The following ZMIZ1 variants were observed in gnomAD, a reference collection of about 807,000 sequenced individuals.
ZMIZ1 encodes zinc finger MIZ domain-containing protein 1.
In ZMIZ1, 17 loss-of-function variants were observed where a neutral mutation model predicts 113.9. That is an observed-to-expected ratio of 0.15 (90% CI 0.10 to 0.22). The LOEUF is 0.22. ZMIZ1 is among the 10% of genes least tolerant of loss of function. ZMIZ1 has a pLI of 1.00. For synonymous variants in ZMIZ1, 607 were observed against 603.1 expected, an observed-to-expected ratio of 1.01 and a Z score of -0.09; for missense variants, 1,059 against 1,477.8, an observed-to-expected ratio of 0.72 and a Z score of 4.65.
At chr10:79,250,566 G>C (rs1401900426) in intron 7 of ZMIZ1, among the ~76,000 whole-genome samples, 1 of 152,234 alleles carries the variant, frequency 6.6e-6, no homozygotes, top group East Asian at 1.9e-4. Context: ...TGGGGAATGA[G>C]AGGTGAGAGT....
intron 4 of ZMIZ1, among the ~76,000 whole-genome samples, chr10:79,166,501 A>T (rs1386347404): frequency 6.6e-6 from 1 of 152,160 alleles, no homozygotes; most frequent in African/African-American, 2.4e-5. Flanking sequence ...CTCCTGGCTC[A>T]GGAGTGCAGG....
At chr10:79,193,505 C>T (rs568420251) in intron 4 of ZMIZ1, among the ~76,000 whole-genome samples, 1 of 152,138 alleles carries the variant, frequency 6.6e-6, no homozygotes, top group Admixed American at 6.5e-5. Context: ...TCATGTACAC[C>T]CAGCAATGGG....
At chr10:79,213,342 G>T (rs914610666) in intron 6 of ZMIZ1, among the ~76,000 whole-genome samples, 1 of 152,170 alleles carries the variant, frequency 6.6e-6, no homozygotes, top group African/African-American at 2.4e-5. Flanking sequence ...GCACTCTAGG[G>T]TTACAGGATT....
Position 79,182,594 on chromosome 10 carries a change from A to G in ZMIZ1, c.-49-18990A>G, listed in dbSNP as rs193201793. Among the ~76,000 whole-genome samples the G allele has an allele frequency of 3.6e-3, 556 of 152,332 alleles. 2 individuals are homozygous for G. Among genetic ancestry groups the G allele is most frequent in the African/African-American group, 0.012 (515 of 41,574 alleles). On this transcript the variant is annotated intron_variant, in intron 4 of 24. Transcript: ENST00000334512. Reference sequence around the variant, plus strand: ...CAGCAAGGTGACCCCAGTGGATCCAAACCCCTCTGGGGGAAAGTGGGTAAG... The same window carrying G: ...CAGCAAGGTGACCCCAGTGGATCCAGACCCCTCTGGGGGAAAGTGGGTAAG...
chr10:79,198,553 G>T (rs1243166802), intron 4 of ZMIZ1, among the ~76,000 whole-genome samples: 1 of 152,124 alleles, frequency 6.6e-6, no homozygotes, highest in African/African-American at 2.4e-5. Context: ...CAGGGTGAGG[G>T]TGGAAGAAAT....
intron 7 of ZMIZ1, among the ~76,000 whole-genome samples, chr10:79,266,070 G>A (rs752877856): frequency 5.9e-5 from 9 of 152,220 alleles, no homozygotes; most frequent in Non-Finnish European, 1.0e-4. Context: ...CCTGAGAAAC[G>A]TGACCCCACT....
chr10:79,078,759 A>G (rs1842563427), intron 1 of ZMIZ1, among the ~76,000 whole-genome samples: 1 of 140,826 alleles, frequency 7.1e-6, no homozygotes, highest in East Asian at 2.1e-4. Flanking sequence ...CATATTGCCC[A>G]GGCTGATCTT....
At chr10:79,106,546 G>C (rs111803586) in intron 1 of ZMIZ1, among the ~76,000 whole-genome samples, 1 of 152,326 alleles carries the variant, frequency 6.6e-6, no homozygotes, top group East Asian at 1.9e-4. Flanking sequence ...CCAGCTTGGC[G>C]ATCAGTGGGT....
intron 17 of ZMIZ1, among the ~76,000 whole-genome samples, chr10:79,301,150 G>A (rs1469640478): frequency 6.6e-6 from 1 of 152,132 alleles, no homozygotes; most frequent in Non-Finnish European, 1.5e-5. Flanking sequence ...CAAAGCCACT[G>A]TGCCCTGGCT....
intron 7 of ZMIZ1, among the ~76,000 whole-genome samples, chr10:79,276,485 T>TCC (rs1852299254): frequency 6.6e-6 from 1 of 152,196 alleles, no homozygotes; most frequent in Non-Finnish European, 1.5e-5. Flanking sequence ...TGGGCACCCC[T>TCC]GGCTGCCTCC....
rs1019923170 is a variant in ZMIZ1, at chr10:79,252,197, C to A, written c.281-24984C>A. Among the ~76,000 whole-genome samples the A allele has an allele frequency of 3.3e-5, 5 of 152,158 alleles. No individual in the cohort carries two copies. The East Asian group carries it at 5.8e-4, about 18-fold the overall frequency. ...AGGCAGGCTCCTGCAGGCTCCTGTA[C>A]CCACCCAGCCTATGTACCCACCCTG... is the stretch of plus-strand genomic sequence containing the variant. On this transcript the variant is annotated intron_variant, in intron 7 of 24. Transcript: ENST00000334512.
At position 79,290,761 on chromosome 10, in the gene ZMIZ1, C is replaced by T. The variant is rs1289578541; in HGVS notation, c.541-198C>T. The T allele has an allele frequency of 1.4e-5, 10 of 718,948 alleles. No individual in the cohort carries two copies. In the Admixed American group the frequency reaches 1.4e-4, roughly 10 times the overall value. The allele number at this position is 718,948 out of a possible 1,614,324, so 44.5% of individuals were successfully genotyped here. A position where few individuals can be genotyped will look rare whatever the true frequency, so the allele number is the denominator to read the frequency against. ...CATCACAAGGCTGACGTTCTCATCC[C>T]CCACGCCACCTGCCGCCCAGGCCCG... On this transcript the variant is annotated intron_variant, in intron 9 of 24. Coordinates refer to ENST00000334512, the MANE Select transcript of ZMIZ1 (RefSeq NM_020338.4).
At chr10:79,253,901 C>T (rs1032338301) in intron 7 of ZMIZ1, among the ~76,000 whole-genome samples, 7 of 152,172 alleles carry the variant, frequency 4.6e-5, no homozygotes, top group South Asian at 2.1e-4. Flanking sequence ...CATGCTGACA[C>T]GCACACTCAC....
rs564311322 is a variant in ZMIZ1, at chr10:79,251,150, C to T, written c.281-26031C>T. On this transcript the variant is annotated intron_variant, in intron 7 of 24. Coordinates refer to ENST00000334512, the MANE Select transcript of ZMIZ1 (RefSeq NM_020338.4). Reference sequence around the variant, plus strand: ...TCCTGTGGCTCCCCACTGTTAGGAGCGAGAGGCCCTCACCCCACAAAGGTG... The same window carrying T: ...TCCTGTGGCTCCCCACTGTTAGGAGTGAGAGGCCCTCACCCCACAAAGGTG... Among the ~76,000 whole-genome samples the T allele has an allele frequency of 3.9e-5, 6 of 152,198 alleles. No individual in the cohort carries two copies. In the South Asian group the frequency reaches 8.3e-4, roughly 21 times the overall value.
At chr10:79,104,737 A>G (rs1795396099) in intron 1 of ZMIZ1, among the ~76,000 whole-genome samples, 1 of 152,110 alleles carries the variant, frequency 6.6e-6, no homozygotes, top group African/African-American at 2.4e-5. Context: ...CGTGAACCTC[A>G]CCGTAGCCTT....
At chr10:79,135,775 A>G (rs1030972413) in intron 2 of ZMIZ1, among the ~76,000 whole-genome samples, 1 of 152,102 alleles carries the variant, frequency 6.6e-6, no homozygotes, top group African/African-American at 2.4e-5. Context: ...CTCCTCCTCT[A>G]TAAGATGGGG....
intron 24 of ZMIZ1, 77 bp downstream of exon 24, chr10:79,311,261 T>G (rs1589623704): frequency 3.5e-5 from 37 of 1,055,660 alleles, no homozygotes; most frequent in South Asian, 3.1e-4. Context: ...GGGGTGGGTG[T>G]GAGGGCTCGA....
chr10:79,304,982 G>T (rs983361242), intron 19 of ZMIZ1, among the ~76,000 whole-genome samples, 182 bp from the exon 20 acceptor site: 2 of 152,122 alleles, frequency 1.3e-5, no homozygotes, highest in African/African-American at 4.8e-5. Context: ...CTGGGGTGGA[G>T]GCATAAGGAC....
intron 4 of ZMIZ1, among the ~76,000 whole-genome samples, chr10:79,193,773 G>A (rs766978149): frequency 2.0e-5 from 3 of 152,176 alleles, no homozygotes; most frequent in South Asian, 2.1e-4. Flanking sequence ...CAGGCATTGC[G>A]GGCAGAGGGA....
Sources: allele counts gnomAD v4.1 joint callset (sites outside exome capture counted in the v4.1 genomes callset), GRCh38; gene constraint gnomAD v4.1.1; transcripts MANE v1.5; gene names NCBI Gene and HGNC (gene_info 2026-07-23, HGNC 2026-07-21).